SCAMP1: variants seen among roughly 807,000 people sequenced by gnomAD.
The protein encoded by SCAMP1 is secretory carrier-associated membrane protein 1.
SCAMP1 carries 15 observed loss-of-function variants against 41.8 expected under a neutral mutation model. The observed-to-expected ratio is 0.36, with a 90% CI of 0.24 to 0.55. The LOEUF (loss-of-function observed/expected upper bound fraction) is 0.55. Ranked by LOEUF, SCAMP1 falls within the 20% of genes least tolerant of loss-of-function variation. SCAMP1 has a pLI of 0.86. For missense variants in SCAMP1, 341 were observed against 412.6 expected, an observed-to-expected ratio of 0.83 and a Z score of 1.50; for synonymous variants, 135 against 136.8, an observed-to-expected ratio of 0.99 and a Z score of 0.09.
At chr5:78,451,971 G>A (rs1284301036) in intron 7 of SCAMP1, among the ~76,000 whole-genome samples, 1 of 152,074 alleles carries the variant, frequency 6.6e-6, no homozygotes, top group African/African-American at 2.4e-5. Context: ...TTATTTTTGA[G>A]TAGTATTCTA....
chr5:78,444,495 T>G (rs1372640376), intron 6 of SCAMP1, among the ~76,000 whole-genome samples: 2 of 152,214 alleles, frequency 1.3e-5, no homozygotes, highest in African/African-American at 4.8e-5. Flanking sequence ...TTCAGTTACT[T>G]GCCACCAGGT....
At chr5:78,403,171 C>T (rs1239692025) in intron 2 of SCAMP1, among the ~76,000 whole-genome samples, 1 of 152,002 alleles carries the variant, frequency 6.6e-6, no homozygotes, top group East Asian at 1.9e-4. Context: ...GTGCCCAGCC[C>T]TCTTGGTGAG....
intron 2 of SCAMP1, among the ~76,000 whole-genome samples, chr5:78,398,607 G>A (rs111823702): frequency 0.03 from 3,864 of 128,652 alleles, 193 homozygotes; most frequent in African/African-American, 0.11. Flanking sequence ...GCTGGAGTGC[G>A]ATCTTGGCTC....
chr5:78,422,346 A>G (rs1442711829), intron 6 of SCAMP1, among the ~76,000 whole-genome samples: 1 of 152,008 alleles, frequency 6.6e-6, no homozygotes, highest in Non-Finnish European at 1.5e-5. Context: ...TAACCTAAGT[A>G]AGGTAAATAT....
intron 3 of SCAMP1, among the ~76,000 whole-genome samples, chr5:78,416,322 A>T (rs1298701966): frequency 6.6e-6 from 1 of 152,108 alleles, no homozygotes; most frequent in Non-Finnish European, 1.5e-5. Flanking sequence ...CTCCTAATGG[A>T]CCCAACATTC....
At chr5:78,426,851 AT>A (rs1205575267) in intron 6 of SCAMP1, among the ~76,000 whole-genome samples, 1 of 152,226 alleles carries the variant, frequency 6.6e-6, no homozygotes, top group Non-Finnish European at 1.5e-5. Context: ...TTTACTTAGA[AT>A]AACGTTTTTG....
intron 6 of SCAMP1, among the ~76,000 whole-genome samples, chr5:78,436,479 G>T (rs1168242002): frequency 2.0e-5 from 3 of 152,170 alleles, no homozygotes; most frequent in Non-Finnish European, 4.4e-5. Flanking sequence ...ATTAAATAGG[G>T]AATCCTTTCC....
chr5:78,448,189 GTTTT>G (rs781194684), intron 6 of SCAMP1, among the ~76,000 whole-genome samples: 1 of 84,062 alleles, frequency 1.2e-5, no homozygotes, highest in Non-Finnish European at 2.4e-5. Flanking sequence ...CTTCCCTTTT[GTTTT>G]TTTTTGTTTT....
chr5:78,384,534 G>C (rs961549486), intron 1 of SCAMP1, among the ~76,000 whole-genome samples: 4 of 152,088 alleles, frequency 2.6e-5, no homozygotes, highest in African/African-American at 9.7e-5. Flanking sequence ...TCTTGTTCCA[G>C]TTCCTAAGGG....
At chr5:78,361,521 C>T (rs1212065267) in intron 1 of SCAMP1, among the ~76,000 whole-genome samples, 1 of 152,218 alleles carries the variant, frequency 6.6e-6, no homozygotes, top group South Asian at 2.1e-4. Context: ...TGCTTTTCTT[C>T]TTGGAGTCGA....
intron 8 of SCAMP1, among the ~76,000 whole-genome samples, chr5:78,475,270 T>G (rs1020315945): frequency 1.3e-5 from 2 of 152,130 alleles, no homozygotes; most frequent in African/African-American, 4.8e-5. Flanking sequence ...TCTTTATTTT[T>G]GGTTTAAATT....
intron 6 of SCAMP1, among the ~76,000 whole-genome samples, chr5:78,429,088 A>G (rs1752535214): frequency 6.6e-6 from 1 of 152,074 alleles, no homozygotes; most frequent in Non-Finnish European, 1.5e-5. Context: ...GCAAATAAAA[A>G]TGTTTGCTTA....
chr5:78,454,181 T>C (rs1019745477), intron 7 of SCAMP1, among the ~76,000 whole-genome samples: 4 of 151,632 alleles, frequency 2.6e-5, no homozygotes, highest in Non-Finnish European at 5.9e-5. Context: ...TATTTCCTTC[T>C]CCTGCCTAAT....
chr5:78,407,989 G>A (rs575785735), intron 2 of SCAMP1, among the ~76,000 whole-genome samples: 101 of 152,008 alleles, frequency 6.6e-4, no homozygotes, highest in Non-Finnish European at 1.1e-3. Flanking sequence ...TATTTCTGTG[G>A]ACCCTTGTGG....
intron 2 of SCAMP1, among the ~76,000 whole-genome samples, chr5:78,403,585 A>G (rs1751851291): frequency 6.6e-6 from 1 of 152,082 alleles, no homozygotes; most frequent in African/African-American, 2.4e-5. Context: ...GAGGCCAGGG[A>G]TTCAAAACCA....
At chr5:78,380,880 A>G (rs1751189124) in intron 1 of SCAMP1, among the ~76,000 whole-genome samples, 1 of 152,234 alleles carries the variant, frequency 6.6e-6, no homozygotes, top group African/African-American at 2.4e-5. Context: ...AGCCTGGCCA[A>G]CATGGTGAAA....
At chr5:78,453,838 T>G (rs1402135857) in intron 7 of SCAMP1, among the ~76,000 whole-genome samples, 1 of 151,062 alleles carries the variant, frequency 6.6e-6, no homozygotes, top group Non-Finnish European at 1.5e-5. Context: ...TTCTTCCATT[T>G]GTTTGTATCC....
At chr5:78,459,567 G>A (rs1439332572) in intron 8 of SCAMP1, among the ~76,000 whole-genome samples, 1 of 152,038 alleles carries the variant, frequency 6.6e-6, no homozygotes, top group African/African-American at 2.4e-5. Context: ...AGTAAAAAGG[G>A]AATATTTTAA....
At chr5:78,437,291 G>A (rs373478192) in intron 6 of SCAMP1, among the ~76,000 whole-genome samples, 40 of 152,266 alleles carry the variant, frequency 2.6e-4, no homozygotes, top group South Asian at 1.2e-3. Flanking sequence ...GTCTTGTGCC[G>A]GTTTTCAAAG....
Sources: gnomAD v4.1 joint callset for allele counts (sites outside exome capture counted in the v4.1 genomes callset) on GRCh38, gnomAD v4.1.1 for gene constraint, MANE v1.5 for transcripts, NCBI Gene and HGNC (gene_info 2026-07-23, HGNC 2026-07-21) for gene names.